RUNX2: variants seen among roughly 807,000 people sequenced by gnomAD.
RUNX2 encodes the protein RUNX family transcription factor 2, also known as runt-related transcription factor 2.
In RUNX2, 10 loss-of-function variants were observed where a neutral mutation model predicts 51.7. That is an observed-to-expected ratio of 0.19 (90% CI 0.12 to 0.33). The LOEUF (loss-of-function observed/expected upper bound fraction) is 0.33. RUNX2 is among the 10% of genes least tolerant of loss of function. The probability of loss-of-function intolerance (pLI) is 1.00; values close to 1 mark genes in which losing one functional copy is unlikely to be tolerated. For missense variants in RUNX2, 562 were observed against 691.3 expected, an observed-to-expected ratio of 0.81 and a Z score of 2.10; for synonymous variants, 276 against 273.6, an observed-to-expected ratio of 1.01 and a Z score of -0.09.
Position 45,548,843 on chromosome 6 carries a change from C to A in RUNX2, c.*1538C>A, listed in dbSNP as rs1802480810. ...CAGGGGAACCCCAATCTGCCTTACC[C>A]AAGGCCCCACTGGCAGCTTTCCACA... On this transcript the variant is annotated 3_prime_UTR_variant, in exon 9 of 9. Transcript: ENST00000647337. 2 of 276,108 alleles carry A rather than the reference C, an allele frequency of 7.2e-6. No individual in the cohort carries two copies. 17.1% of individuals were successfully genotyped at this position (276,108 alleles called of 1,614,324 possible). A position where few individuals can be genotyped will look rare whatever the true frequency, so the allele number is the denominator to read the frequency against.
At chr6:45,357,335 T>C (rs889698462) in intron 2 of RUNX2, among the ~76,000 whole-genome samples, 18 of 152,022 alleles carry the variant, frequency 1.2e-4, no homozygotes, top group African/African-American at 4.3e-4. Context: ...AGTACCTTTT[T>C]TATTTTTTAT....
rs551147701 is a variant in RUNX2, at chr6:45,415,831, A to C, written c.59-6762A>C. Among the ~76,000 whole-genome samples the C allele has an allele frequency of 5.3e-5, 8 of 152,328 alleles. No homozygotes were observed. In the South Asian group the frequency reaches 1.5e-3, roughly 28 times the overall value. ...ATTCATTTTCACAGAGCAGGTAAAA[A>C]AAGGTGAATTTGGAGCTGCAAGACA... On this transcript the variant is annotated intron_variant, in intron 2 of 8. Coordinates refer to ENST00000647337, the MANE Select transcript of RUNX2 (RefSeq NM_001024630.4).
intron 6 of RUNX2, among the ~76,000 whole-genome samples, chr6:45,501,125 C>A (rs900673232): frequency 1.3e-5 from 2 of 152,202 alleles, no homozygotes; most frequent in African/African-American, 4.8e-5. Context: ...GGTCCCACAC[C>A]TTGTCCTGTC....
At chr6:45,330,988 A>G (rs769709334) in intron 2 of RUNX2, among the ~76,000 whole-genome samples, 2 of 152,016 alleles carry the variant, frequency 1.3e-5, no homozygotes, top group Non-Finnish European at 2.9e-5. Context: ...CCACCTAATG[A>G]AATGTCTTAA....
At position 45,548,869 on chromosome 6, in the gene RUNX2, G is replaced by T. The variant is rs1481218195; in HGVS notation, c.*1564G>T. 1.2e-5 allele frequency: 4 copies of T among 323,354 alleles called. No individual in the cohort carries two copies. In the East Asian group the frequency reaches 1.4e-4, roughly 12 times the overall value. The allele number at this position is 323,354 out of a possible 1,614,324, so 20.0% of individuals were successfully genotyped here. ...AAGGCCCCACTGGCAGCTTTCCACA[G>T]AATTTGCATTTAGAGGAGCAGAATG... On this transcript the variant is annotated 3_prime_UTR_variant, in exon 9 of 9. Transcript: ENST00000647337.
intron 2 of RUNX2, among the ~76,000 whole-genome samples, chr6:45,402,016 C>T (rs539005027): frequency 7.9e-5 from 12 of 152,156 alleles, no homozygotes; most frequent in Non-Finnish European, 1.3e-4. Context: ...CATTCGACAT[C>T]GTATTATACT....
rs1478596214 is a variant in RUNX2, at chr6:45,525,036, GGGAGGTGGA to G, written c.1021+12632_1021+12640del. 5.9e-5 allele frequency among the ~76,000 whole-genome samples: 9 copies of G among 152,242 alleles called. No individual in the cohort carries two copies. The East Asian group carries it at 1.2e-3, about 20-fold the overall frequency. On this transcript the variant is annotated intron_variant, in intron 7 of 8. Transcript: ENST00000647337. The stretch of plus-strand genomic sequence containing the variant: ...TGAGGCAGGAGAATTGCTTGAACCC[GGGAGGTGGA>G]GGTTGCAGTGAGCCAAGATTGCGTA...
intron 6 of RUNX2, among the ~76,000 whole-genome samples, chr6:45,499,676 T>C (rs1166318269): frequency 1.3e-5 from 2 of 152,182 alleles, no homozygotes; most frequent in Non-Finnish European, 2.9e-5. Context: ...TTTTTTTGTT[T>C]CAAAAAATTG....
intron 2 of RUNX2, among the ~76,000 whole-genome samples, chr6:45,340,973 C>T (rs1031828260): frequency 6.6e-6 from 1 of 152,086 alleles, no homozygotes; most frequent in Non-Finnish European, 1.5e-5. Context: ...TCCAGACAAC[C>T]TTTATTTCTA....
In RUNX2 at chr6:45,545,294, A is replaced by T; in HGVS notation, c.1087+12A>T. ...GAAGAGCCAGGCAGGTGAGACTTTTAACAATTGCTGGGCTGGGCAGGGCTG... is the reference window on the plus strand; with the variant it reads ...GAAGAGCCAGGCAGGTGAGACTTTTTACAATTGCTGGGCTGGGCAGGGCTG... On this transcript the variant is annotated intron_variant, in intron 8 of 8. Transcript: ENST00000647337. 1 of 1,550,376 alleles carries T rather than the reference A, an allele frequency of 6.5e-7. No homozygotes were observed. The highest frequency in any genetic ancestry group is 8.7e-7 in the Non-Finnish European group (1 of 1,146,828).
At chr6:45,497,307 G>A (rs1446346977) in intron 6 of RUNX2, among the ~76,000 whole-genome samples, 1 of 152,218 alleles carries the variant, frequency 6.6e-6, no homozygotes, top group East Asian at 1.9e-4. Context: ...CTGGAAGGAA[G>A]TGCACAGGAT....
At chr6:45,460,124 GTATT>G (rs1799429799) in intron 5 of RUNX2, among the ~76,000 whole-genome samples, 1 of 152,184 alleles carries the variant, frequency 6.6e-6, no homozygotes, top group African/African-American at 2.4e-5. Context: ...ATCTGGTGTG[GTATT>G]TAAAGTCATA....
intron 6 of RUNX2, among the ~76,000 whole-genome samples, chr6:45,504,624 G>A (rs1479521041): frequency 6.6e-6 from 1 of 152,194 alleles, no homozygotes; most frequent in Non-Finnish European, 1.5e-5. Context: ...ATTTAGTGTA[G>A]ATTGTTTTGA....
rs1408721067 is a variant in RUNX2 at position 45,549,484 on chromosome 6, G to A, written c.*2179G>A. 3 of 397,652 alleles carry A rather than the reference G, an allele frequency of 7.5e-6. No individual in the cohort carries two copies. The highest frequency in any genetic ancestry group is 1.3e-5 in the Non-Finnish European group (3 of 225,980). 24.6% of individuals were successfully genotyped at this position (397,652 alleles called of 1,614,324 possible). On this transcript the variant is annotated 3_prime_UTR_variant, in exon 9 of 9. Transcript: ENST00000647337. ...AAAGGCCGTATACCAAGTATGCTTA[G>A]ATAAATAAGCCACTTTTCTATTACT...
intron 3 of RUNX2, among the ~76,000 whole-genome samples, chr6:45,425,621 C>G (rs955071279): frequency 6.6e-6 from 1 of 152,130 alleles, no homozygotes; most frequent in East Asian, 1.9e-4. Flanking sequence ...ATAGAAAATA[C>G]TCTGTTGAGA....
intron 5 of RUNX2, among the ~76,000 whole-genome samples, chr6:45,482,471 A>G (rs533294426): frequency 6.6e-6 from 1 of 152,344 alleles, no homozygotes. Flanking sequence ...TCAAATTAAC[A>G]TTGTACAATT....
chr6:45,497,210 C>G (rs770228276), intron 6 of RUNX2, among the ~76,000 whole-genome samples: 3 of 152,206 alleles, frequency 2.0e-5, no homozygotes, highest in Admixed American at 6.5e-5. Context: ...GATTTCCTTT[C>G]TCTTTTAAAA....
intron 3 of RUNX2, among the ~76,000 whole-genome samples, chr6:45,429,582 G>A (rs780138453): frequency 6.6e-6 from 1 of 152,128 alleles, no homozygotes; most frequent in African/African-American, 2.4e-5. Context: ...CTCATATTGA[G>A]AATAACTATA....
intron 5 of RUNX2, among the ~76,000 whole-genome samples, chr6:45,459,595 C>G (rs1799414676): frequency 6.6e-6 from 1 of 152,148 alleles, no homozygotes; most frequent in African/African-American, 2.4e-5. Context: ...GTTTATTGAG[C>G]CCTGCCATAT....
Sources: gnomAD v4.1 joint callset for allele counts (sites outside exome capture counted in the v4.1 genomes callset) on GRCh38, gnomAD v4.1.1 for gene constraint, MANE v1.5 for transcripts, NCBI Gene and HGNC (gene_info 2026-07-23, HGNC 2026-07-21) for gene names.